Variants in SORT1 observed in about 807,000 individuals in gnomAD.
SORT1 encodes sortilin.
In SORT1, 39 loss-of-function variants were observed where a neutral mutation model predicts 101.7. That is an observed-to-expected ratio of 0.38 (90% CI 0.30 to 0.50). The LOEUF is 0.50. SORT1 is among the 20% of genes least tolerant of loss of function. SORT1 has a pLI of 0.90. For synonymous variants in SORT1, 396 were observed against 393.7 expected (o/e 1.01, Z -0.07); for missense variants, 878 against 1,040.4 (o/e 0.84, Z 2.15).
chr1:109,335,285 T>G (rs1272617483), intron 11 of SORT1, among the ~76,000 whole-genome samples: 1 of 151,818 alleles, frequency 6.6e-6, no homozygotes, highest in Non-Finnish European at 1.5e-5. Flanking sequence ...GGGAGAGGCA[T>G]GGGGAGCCTG....
intron 3 of SORT1, among the ~76,000 whole-genome samples, chr1:109,363,549 C>CT (rs1650883654): frequency 6.6e-6 from 1 of 152,030 alleles, no homozygotes; most frequent in South Asian, 2.1e-4. Context: ...TTCAATAATT[C>CT]TTTTTCATGG....
chr1:109,382,076 GGAAA>G (rs989767827), intron 1 of SORT1, among the ~76,000 whole-genome samples: 8 of 151,528 alleles, frequency 5.3e-5, no homozygotes, highest in African/African-American at 1.9e-4. Flanking sequence ...AAAAAAGGAA[GGAAA>G]GAAAAAGTAT....
Position 109,340,730 on chromosome 1 carries a change from A to G in SORT1, c.1258T>C (p.Ser420Pro). The G allele has an allele frequency of 1.9e-6, 3 of 1,614,066 alleles. No individual in the cohort carries two copies. Among genetic ancestry groups the G allele is most frequent in the South Asian group, 2.2e-5 (2 of 91,078 alleles). ...LRGVYITSVL[S>P]EDNSIQTMIT... ...CTGCGATGCCGAGACTCACCTTCGGAGAGCACGCTTGTTATGTAGACGCCG... is the reference window on the plus strand; with the variant it reads ...CTGCGATGCCGAGACTCACCTTCGGGGAGCACGCTTGTTATGTAGACGCCG... The change falls in exon 10 of 20, where the codon TCC becomes CCC. Residue 420 changes from serine (S) to proline (P), a missense_variant. By Grantham distance (74) the Ser-to-Pro change is moderately conservative. Transcript: ENST00000256637.
intron 3 of SORT1, among the ~76,000 whole-genome samples, chr1:109,360,983 T>C (rs985318537): frequency 2.0e-5 from 3 of 152,338 alleles, no homozygotes; most frequent in Non-Finnish European, 2.9e-5. Flanking sequence ...GGGTGACTGA[T>C]TGAGTTCTTA....
At chr1:109,371,086 AT>A (rs1383465189) in intron 1 of SORT1, among the ~76,000 whole-genome samples, 3 of 152,190 alleles carry the variant, frequency 2.0e-5, no homozygotes, top group African/African-American at 7.2e-5. Flanking sequence ...CTCTTACACA[AT>A]TTTTGTAAGT....
Position 109,322,940 on chromosome 1 carries a change from G to C in SORT1, c.2016C>G (p.Asp672Glu). The change falls in exon 15 of 20, where the codon GAC becomes GAG. Residue 672 changes from aspartate to glutamate, a missense_variant. Coordinates refer to ENST00000256637, the MANE Select transcript of SORT1 (RefSeq NM_002959.7). ...QPSICLCSLEDFLCDFGYYRP... is the reference protein window; with the variant it reads ...QPSICLCSLEEFLCDFGYYRP... The stretch of plus-strand genomic sequence containing the variant: ...CTGAGGAATGCTGATACCAGAGAAA[G>C]TCCTCCAGGGAACAGAGGCAGATGG... 1 of 1,612,266 alleles carries C rather than the reference G, an allele frequency of 6.2e-7. No individual in the cohort carries two copies. The highest frequency in any genetic ancestry group is 1.1e-5 in the South Asian group (1 of 90,998).
At chr1:109,380,962 G>A (rs181847392) in intron 1 of SORT1, among the ~76,000 whole-genome samples, 1 of 151,784 alleles carries the variant, frequency 6.6e-6, no homozygotes, top group Admixed American at 6.6e-5. Context: ...AGAAAAATAT[G>A]ACATTTTTGC....
intron 1 of SORT1, among the ~76,000 whole-genome samples, chr1:109,380,394 A>C (rs970388026): frequency 3.9e-5 from 6 of 152,176 alleles, no homozygotes; most frequent in African/African-American, 1.4e-4. Flanking sequence ...TTAAGGATTT[A>C]CTCTGACTAT....
Position 109,397,913 on chromosome 1 carries a change from G to A in SORT1, c.-21C>T, listed in dbSNP as rs1416979056. 9 of 1,136,370 alleles carry A rather than the reference G, an allele frequency of 7.9e-6. No individual in the cohort carries two copies. Among genetic ancestry groups the A allele is most frequent in the Non-Finnish European group, 9.7e-6 (9 of 929,032 alleles). The allele number at this position is 1,136,370 out of a possible 1,614,324, so 70.4% of individuals were successfully genotyped here. On this transcript the variant is annotated 5_prime_UTR_variant, in exon 1 of 20. Transcript: ENST00000256637. ...TCCATCGCCGCCGAATGCCGCCGAC[G>A]CCGACACCTGCCGCCCGGCGCGCCC...
intron 1 of SORT1, among the ~76,000 whole-genome samples, chr1:109,382,045 G>A (rs1557824776): frequency 1.3e-5 from 2 of 150,582 alleles, no homozygotes; most frequent in African/African-American, 4.9e-5. Flanking sequence ...AACTATATAA[G>A]TAAGCTATTT....
At chr1:109,390,588 T>C (rs1340850024) in intron 1 of SORT1, among the ~76,000 whole-genome samples, 2 of 151,974 alleles carry the variant, frequency 1.3e-5, no homozygotes, top group East Asian at 3.8e-4. Flanking sequence ...TTTGAATCCT[T>C]TGTGACAAAT....
intron 11 of SORT1, among the ~76,000 whole-genome samples, chr1:109,330,379 C>T (rs1648380696): frequency 6.6e-6 from 1 of 151,292 alleles, no homozygotes; most frequent in Admixed American, 6.6e-5. Flanking sequence ...GGAAATTGAA[C>T]AACATATTCT....
chr1:109,386,712 T>TA (rs1652592357), intron 1 of SORT1, among the ~76,000 whole-genome samples: 1 of 152,166 alleles, frequency 6.6e-6, no homozygotes, highest in Non-Finnish European at 1.5e-5. Flanking sequence ...GTTAAAAGTT[T>TA]AAAAAAGCAA....
intron 2 of SORT1, among the ~76,000 whole-genome samples, chr1:109,369,236 C>T (rs1303368847): frequency 6.6e-6 from 1 of 152,134 alleles, no homozygotes; most frequent in Admixed American, 6.5e-5. Flanking sequence ...GCAGGAGAAT[C>T]GCTTGAACCC....
At chr1:109,334,127 C>T (rs774129701) in intron 11 of SORT1, among the ~76,000 whole-genome samples, 2 of 151,780 alleles carry the variant, frequency 1.3e-5, no homozygotes, top group Non-Finnish European at 2.9e-5. Context: ...GCCTTGGTGA[C>T]GGGGCAAGAC....
chr1:109,379,508 A>G (rs1030290605), intron 1 of SORT1, among the ~76,000 whole-genome samples: 5 of 152,188 alleles, frequency 3.3e-5, no homozygotes. Flanking sequence ...AAACAGGTCA[A>G]AATTAAGGAA....
At chr1:109,325,429 T>A (rs1032524999) in intron 13 of SORT1, among the ~76,000 whole-genome samples, 3 of 151,520 alleles carry the variant, frequency 2.0e-5, no homozygotes, top group African/African-American at 7.3e-5. Context: ...TTAGTAGAAA[T>A]GGAGTTTCAC....
Position 109,388,369 on chromosome 1 carries a change from G to A in SORT1, c.306+9218C>T, listed in dbSNP as rs567884746. 2.0e-5 allele frequency among the ~76,000 whole-genome samples: 3 copies of A among 151,700 alleles called. No homozygotes were observed. In the East Asian group the frequency reaches 5.9e-4, roughly 30 times the overall value. On this transcript the variant is annotated intron_variant, in intron 1 of 19. Coordinates refer to ENST00000256637, the MANE Select transcript of SORT1 (RefSeq NM_002959.7). Reference sequence around the variant, plus strand: ...TCCCCTCACCTCAGACTCTTGTGTGGCTAGGGCTACCGGCATATGCTACCA... The same window carrying A: ...TCCCCTCACCTCAGACTCTTGTGTGACTAGGGCTACCGGCATATGCTACCA...
chr1:109,330,258 G>T (rs551409266), intron 11 of SORT1, among the ~76,000 whole-genome samples: 2 of 152,244 alleles, frequency 1.3e-5, no homozygotes, highest in South Asian at 4.1e-4. Context: ...CTCCCAAAGT[G>T]CAAGGATTAT....
Sources: allele counts gnomAD v4.1 joint callset (sites outside exome capture counted in the v4.1 genomes callset), GRCh38; gene constraint gnomAD v4.1.1; transcripts MANE v1.5; gene names NCBI Gene and HGNC (gene_info 2026-07-23, HGNC 2026-07-21).